Variants in CIT observed in about 807,000 individuals in gnomAD.
CIT encodes citron Rho-interacting kinase.
Under a neutral mutation model 272.7 loss-of-function variants are expected in CIT, and 79 were observed. That is an observed-to-expected ratio of 0.29 (90% CI 0.24 to 0.35). The LOEUF is 0.35. Ranked by LOEUF, CIT falls within the 10% of genes least tolerant of loss-of-function variation. The pLI is 1.00. For missense variants in CIT, 1,909 were observed against 2,618.3 expected (o/e 0.73, Z 5.91); for synonymous variants, 948 against 995.6 (o/e 0.95, Z 0.90).
At position 119,709,303 on chromosome 12, in the gene CIT, T is replaced by C. The variant is rs140390223; in HGVS notation, c.5071+948A>G. On this transcript the variant is annotated intron_variant, in intron 39 of 47. Coordinates refer to ENST00000392521, the MANE Select transcript of CIT (RefSeq NM_001206999.2). ...GTAGACTTGGGGTGACAATGATGTGTCACTGTCAATGTGTCAATGTAGGTT... is the reference window on the plus strand; with the variant it reads ...GTAGACTTGGGGTGACAATGATGTGCCACTGTCAATGTGTCAATGTAGGTT... 9.2e-5 allele frequency among the ~76,000 whole-genome samples: 14 copies of C among 152,022 alleles called. No individual in the cohort carries two copies. The East Asian group carries it at 2.7e-3, about 29-fold the overall frequency.
intron 23 of CIT, among the ~76,000 whole-genome samples, chr12:119,744,339 A>G (rs940295765): frequency 6.6e-6 from 1 of 152,092 alleles, no homozygotes; most frequent in Non-Finnish European, 1.5e-5. Flanking sequence ...TATGTATGAA[A>G]ACCCAAATAA....
At chr12:119,731,123 T>A (rs1168915041) in intron 26 of CIT, among the ~76,000 whole-genome samples, 1 of 151,446 alleles carries the variant, frequency 6.6e-6, no homozygotes, top group African/African-American at 2.4e-5. Flanking sequence ...CAAGACTCGG[T>A]CTCAAAACAA....
chr12:119,809,359 A>T (rs1966773680), intron 9 of CIT, among the ~76,000 whole-genome samples: 2 of 128,660 alleles, frequency 1.6e-5, no homozygotes, highest in African/African-American at 5.9e-5. Flanking sequence ...TTCTACACTT[A>T]GGCAGATCTA....
At chr12:119,803,890 G>A (rs1282802913) in intron 9 of CIT, among the ~76,000 whole-genome samples, 2 of 152,086 alleles carry the variant, frequency 1.3e-5, no homozygotes, top group Non-Finnish European at 2.9e-5. Flanking sequence ...GAAGGACCAG[G>A]AAAAGGGATG....
rs2136910466 is a variant in CIT at position 119,690,323 on chromosome 12, C to T, written c.6014G>A (p.Arg2005Gln). The stretch of plus-strand genomic sequence containing the variant: ...AGACTTGTCCCTGCGCAGCTCGGTC[C>T]GCCCCTCGCGGTAGCGGTGGGGTGT... Reference protein sequence around the residue: ...PSTPHRYREGRTELRRDKSPG... With the variant: ...PSTPHRYREGQTELRRDKSPG... The change falls in exon 47 of 48, where the codon CGG (arginine) becomes CAG (glutamine). Residue 2005 changes from arginine (R) to glutamine (Q), a missense_variant. Around this residue, in one of 8 missense-constraint regions of CIT, gnomAD observed 780 missense variants for 1,067.2 expected, o/e 0.73. Coordinates refer to ENST00000392521, the MANE Select transcript of CIT (RefSeq NM_001206999.2). This position sits in a 1 kb window ranked among gnomAD's most constrained non-coding sequence, Gnocchi z 6.0. The T allele has an allele frequency of 6.3e-7, 1 of 1,596,020 alleles. No homozygotes were observed. Among genetic ancestry groups the T allele is most frequent in the Non-Finnish European group, 8.5e-7 (1 of 1,177,854 alleles).
In CIT at chr12:119,775,578, T is replaced by A. The variant is rs537993679; in HGVS notation, c.1941+208A>T. On this transcript the variant is annotated intron_variant, in intron 16 of 47. Transcript: ENST00000392521. ...TGAGAGTCTCACACAGCTTGGTTTT[T>A]AAAAATAAACACTGCTGACATGTCT... Among the ~76,000 whole-genome samples, 9 of 152,374 alleles carry A rather than the reference T, an allele frequency of 5.9e-5. No individual in the cohort carries two copies. The South Asian group carries it at 1.9e-3, about 32-fold the overall frequency.
At chr12:119,711,643 C>T (rs139419801) in intron 37 of CIT, among the ~76,000 whole-genome samples, 1 of 152,242 alleles carries the variant, frequency 6.6e-6, no homozygotes, top group Non-Finnish European at 1.5e-5. Flanking sequence ...CTACTGATGC[C>T]GATTCCCCCA....
chr12:119,793,521 C>T (rs139733910), intron 10 of CIT, among the ~76,000 whole-genome samples: 24 of 152,310 alleles, frequency 1.6e-4, no homozygotes, highest in Middle Eastern at 3.4e-3. Flanking sequence ...GCTTCCTACT[C>T]AGTGCAATTT....
At chr12:119,777,977 A>C (rs879512966) in intron 13 of CIT, among the ~76,000 whole-genome samples, 17 of 152,230 alleles carry the variant, frequency 1.1e-4, no homozygotes, top group Non-Finnish European at 2.4e-4. Flanking sequence ...TGAAAATCTC[A>C]GTGGAAAGAA....
chr12:119,838,409 C>T (rs1178182140), intron 5 of CIT, among the ~76,000 whole-genome samples: 1 of 152,102 alleles, frequency 6.6e-6, no homozygotes, highest in Non-Finnish European at 1.5e-5. Flanking sequence ...AGTATAGTAA[C>T]ATAAAGCATA....
chr12:119,758,614 G>A lies in CIT; in HGVS notation c.2508C>T (p.Ser836=), dbSNP rs1593623367. 1 of 1,611,534 alleles carries A rather than the reference G, an allele frequency of 6.2e-7. No homozygotes were observed. Among genetic ancestry groups the A allele is most frequent in the Non-Finnish European group, 8.5e-7 (1 of 1,177,628 alleles). Residue 836 remains serine, a synonymous_variant, in exon 21 of 48, where the codon AGC becomes AGT. Transcript: ENST00000392521. ...LSEANKLAAN[S]SLFTQRNMKA... The stretch of plus-strand genomic sequence containing the variant: ...ACATGTTCCTTTGGGTAAAAAGACT[G>A]CTATTTGCTGCAAGTTTATTGGCTT...
At chr12:119,786,194 G>A (rs1964782647) in intron 10 of CIT, among the ~76,000 whole-genome samples, 1 of 152,120 alleles carries the variant, frequency 6.6e-6, no homozygotes, top group Non-Finnish European at 1.5e-5. Flanking sequence ...ACTGCCAGTT[G>A]ATAAATAGTT....
Position 119,712,491 on chromosome 12 carries a change from C to A in CIT, c.4684+100G>T, listed in dbSNP as rs1441335320. 1 of 1,397,732 alleles carries A rather than the reference C, an allele frequency of 7.2e-7. No individual in the cohort carries two copies. Among genetic ancestry groups the A allele is most frequent in the Non-Finnish European group, 1.0e-6 (1 of 1,002,350 alleles). 86.6% of individuals were successfully genotyped at this position (1,397,732 alleles called of 1,614,324 possible). On this transcript the variant is annotated intron_variant, in intron 36 of 47. Transcript: ENST00000392521. The surrounding 1 kb of genome is among the most constrained non-coding windows in gnomAD (Gnocchi z 5.2). ...GCGGGGAGCGGAGGAAGATGGGCCTCCTTTGCAGAGCCAATCTTCCCTGTA... is the reference window on the plus strand; with the variant it reads ...GCGGGGAGCGGAGGAAGATGGGCCTACTTTGCAGAGCCAATCTTCCCTGTA...
At position 119,718,354 on chromosome 12, in the gene CIT, C is replaced by T. The variant is rs780263453; in HGVS notation, c.4059G>A (p.Arg1353=). The T allele has an allele frequency of 9.3e-6, 15 of 1,614,036 alleles. No homozygotes were observed. The highest frequency in any genetic ancestry group is 1.7e-5 in the Admixed American group (1 of 60,024). ...HPHPSTPATA[R]QQIAMSAIVR... ...CGATGGCGGACATGGCGATCTGCTG[C>T]CTCGCGGTGGCTGGCGTGGATGGGT... The change falls in exon 32 of 48, where the codon AGG becomes AGA. Residue 1353 remains arginine (R), a synonymous_variant. Coordinates refer to ENST00000392521, the MANE Select transcript of CIT (RefSeq NM_001206999.2). This position sits in a 1 kb window ranked among gnomAD's most constrained non-coding sequence, Gnocchi z 4.8.
chr12:119,773,838 A>C (rs1033378584), intron 16 of CIT, among the ~76,000 whole-genome samples: 43 of 152,214 alleles, frequency 2.8e-4, no homozygotes, highest in Non-Finnish European at 1.0e-4. Context: ...AGATGGAGAC[A>C]CGTGTCCTCT....
At chr12:119,761,892 A>G (rs1173948174) in intron 19 of CIT, among the ~76,000 whole-genome samples, 1 of 152,180 alleles carries the variant, frequency 6.6e-6, no homozygotes, top group Non-Finnish European at 1.5e-5. Context: ...ACACAGCCCT[A>G]CGAGTTGCCA....
chr12:119,799,539 C>G (rs1431379059), intron 10 of CIT, among the ~76,000 whole-genome samples: 3 of 152,014 alleles, frequency 2.0e-5, no homozygotes, highest in African/African-American at 7.2e-5. Flanking sequence ...CAGAACCACC[C>G]GAAAAGAAAG....
In CIT at chr12:119,804,149, T is replaced by A. The variant is rs1039055233; in HGVS notation, c.1112-760A>T. 8.1e-6 allele frequency: 8 copies of A among 985,200 alleles called. No individual in the cohort carries two copies. The highest frequency in any genetic ancestry group is 7.0e-5 in the African/African-American group (4 of 57,222). The allele number at this position is 985,200 out of a possible 1,614,324, so 61.0% of individuals were successfully genotyped here. On this transcript the variant is annotated intron_variant, in intron 9 of 47. Transcript: ENST00000392521. The surrounding 1 kb of genome is among the most constrained non-coding windows in gnomAD (Gnocchi z 5.3). ...GACGGTGGGAATGCACGGATGGACA[T>A]ATGCGGCTCCTACCTCCTCAGGGCT...
chr12:119,849,203 G>C (rs1447850393), intron 5 of CIT, among the ~76,000 whole-genome samples: 1 of 152,204 alleles, frequency 6.6e-6, no homozygotes, highest in Non-Finnish European at 1.5e-5. Context: ...GAGGCAGGTG[G>C]ATCATTTGAG....
Sources: allele counts gnomAD v4.1 joint callset (sites outside exome capture counted in the v4.1 genomes callset), GRCh38; gene constraint gnomAD v4.1.1; regional missense constraint gnomAD v4.1.1; non-coding constraint Gnocchi (gnomAD v3.1); transcripts MANE v1.5; gene names NCBI Gene and HGNC (gene_info 2026-07-23, HGNC 2026-07-21).